The following GCNT1 variants were observed in gnomAD, a reference collection of about 807,000 sequenced individuals.
The protein encoded by GCNT1 is beta-1,3-galactosyl-O-glycosyl-glycoprotein beta-1,6-N-acetylglucosaminyltransferase.
Under a neutral mutation model 26.2 loss-of-function variants are expected in GCNT1, and 16 were observed. The ratio of observed to expected loss-of-function variants is 0.61; its 90% CI spans 0.41 to 0.93. GCNT1 has a LOEUF of 0.93. Ranked by LOEUF, GCNT1 falls within the 40% of genes least tolerant of loss-of-function variation. The probability of loss-of-function intolerance (pLI) is 0.00; values close to 1 mark genes in which losing one functional copy is unlikely to be tolerated. For synonymous variants in GCNT1, 183 were observed against 190.8 expected (o/e 0.96, Z 0.34); for missense variants, 477 against 526.7 (o/e 0.91, Z 0.92).
intron 1 of GCNT1, among the ~76,000 whole-genome samples, chr9:76,434,020 C>T (rs1473514288): frequency 6.6e-6 from 1 of 152,154 alleles, no homozygotes; most frequent in Non-Finnish European, 1.5e-5. Flanking sequence ...TAATCTATAA[C>T]CTAAGAAGTA....
chr9:76,398,911 T>C, the GCNT1 span: 4 of 1,546,952 alleles, frequency 2.6e-6, no homozygotes, highest in Non-Finnish European at 3.5e-6. Flanking sequence ...TTGAAAACCC[T>C]GCTGATGTCA....
intron 2 of GCNT1, among the ~76,000 whole-genome samples, chr9:76,467,056 T>C (rs1315196257): frequency 2.0e-5 from 3 of 151,990 alleles, no homozygotes; most frequent in Non-Finnish European, 2.9e-5. Flanking sequence ...TTTTTTTTTT[T>C]CTTTGAGATG....
At chr9:76,447,151 C>CA (rs532132124) in intron 1 of GCNT1, among the ~76,000 whole-genome samples, 477 of 35,986 alleles carry the variant, frequency 0.013, 78 homozygotes, top group Admixed American at 0.051. Context: ...AACCCTGTGT[C>CA]AAAAAAAAAA....
At chr9:76,487,382 G>C (rs1824608420) in intron 2 of GCNT1, among the ~76,000 whole-genome samples, 1 of 152,192 alleles carries the variant, frequency 6.6e-6, no homozygotes, top group Admixed American at 6.5e-5. Context: ...TCCTTGGAGA[G>C]TCAGTGAAAT....
chr9:76,395,120 C>T, the GCNT1 span, among the ~76,000 whole-genome samples: 4 of 152,190 alleles, frequency 2.6e-5, no homozygotes, highest in Admixed American at 6.5e-5. Context: ...ACAGGCCGTC[C>T]CTCTACTGCA....
chr9:76,478,924 T>C (rs887466951), intron 2 of GCNT1, among the ~76,000 whole-genome samples: 2 of 152,226 alleles, frequency 1.3e-5, no homozygotes, highest in Non-Finnish European at 2.9e-5. Flanking sequence ...TTGTTACATA[T>C]GTATACATGT....
chr9:76,490,953 C>T (rs183378172), intron 2 of GCNT1, among the ~76,000 whole-genome samples: 23 of 152,366 alleles, frequency 1.5e-4, no homozygotes, highest in African/African-American at 3.1e-4. Flanking sequence ...TTTTGGGCTA[C>T]GCCCTTGTTT....
chr9:76,458,599 T>G (rs569783895), upstream of GCNT1, among the ~76,000 whole-genome samples: 17 of 152,304 alleles, frequency 1.1e-4, no homozygotes, highest in African/African-American at 3.4e-4. Flanking sequence ...GAGAACTGTG[T>G]CAACTTTTAT....
the GCNT1 span, chr9:76,398,680 T>C: frequency 8.8e-7 from 1 of 1,139,174 alleles, no homozygotes; most frequent in South Asian, 1.3e-5. Flanking sequence ...CCGTCGTAAC[T>C]TAAAGGGAAA....
At chr9:76,440,402 A>G (rs1035444106), upstream of GCNT1, among the ~76,000 whole-genome samples, 1 of 152,238 alleles carries the variant, frequency 6.6e-6, no homozygotes, top group East Asian at 1.9e-4. Flanking sequence ...TGATGAATGA[A>G]GGTGACATCA....
chr9:76,461,752 G>T (rs919542859), intron 2 of GCNT1, among the ~76,000 whole-genome samples: 2 of 151,832 alleles, frequency 1.3e-5, no homozygotes, highest in Non-Finnish European at 2.9e-5. Context: ...AGCCAGGTGT[G>T]GTGGTGGGCA....
At chr9:76,424,881 T>C (rs1823239901) in intron 1 of GCNT1, among the ~76,000 whole-genome samples, 1 of 152,176 alleles carries the variant, frequency 6.6e-6, no homozygotes, top group Non-Finnish European at 1.5e-5. Flanking sequence ...GGCTCACGCC[T>C]GTAATCCCAG....
At chr9:76,438,740 GGAA>G (rs201206493), upstream of GCNT1, among the ~76,000 whole-genome samples, 17,226 of 151,532 alleles carry the variant, frequency 0.11, 1,079 homozygotes, top group Middle Eastern at 0.23. Context: ...GGGCCACATT[GGAA>G]GAAGAATTGT....
rs1370914858 is a variant in GCNT1 at position 76,502,639 on chromosome 9, T to C, written c.258T>C (p.Pro86=). The change falls in exon 4 of 4, where the codon CCT becomes CCC. Residue 86 remains proline (P), a synonymous_variant. Coordinates refer to ENST00000376730, the MANE Select transcript of GCNT1 (RefSeq NM_001490.5). ...EILTVKFKKR[P]RWTPDDYINM... ...TAACAGTGAAATTTAAAAAGCGCCC[T>C]CGGTGGACACCTGACGACTATATAA... 1.2e-6 allele frequency: 2 copies of C among 1,613,926 alleles called. No individual in the cohort carries two copies. Among genetic ancestry groups the C allele is most frequent in the Non-Finnish European group, 1.7e-6 (2 of 1,179,988 alleles).
chr9:76,482,646 TC>T (rs1824453196), intron 2 of GCNT1, among the ~76,000 whole-genome samples: 1 of 151,336 alleles, frequency 6.6e-6, no homozygotes, highest in African/African-American at 2.4e-5. Context: ...ACTGGTAAAA[TC>T]TTTTTTTATC....
the GCNT1 span, among the ~76,000 whole-genome samples, chr9:76,409,353 T>G: frequency 4.6e-5 from 7 of 152,338 alleles, no homozygotes; most frequent in Admixed American, 4.6e-4. Flanking sequence ...TTGGTTAGCC[T>G]GGCTAGAGGC....
intron 2 of GCNT1, among the ~76,000 whole-genome samples, chr9:76,490,141 C>T (rs1418868574): frequency 6.6e-6 from 1 of 152,176 alleles, no homozygotes; most frequent in Non-Finnish European, 1.5e-5. Context: ...TTTCAGAAGC[C>T]TTTTCCTCTA....
chr9:76,393,890 C>T, the GCNT1 span: 1 of 561,190 alleles, frequency 1.8e-6, no homozygotes, highest in Non-Finnish European at 3.1e-6. Flanking sequence ...CCCCGCGGAG[C>T]TCGGAGCCAG....
chr9:76,502,343 A>G lies in GCNT1; in HGVS notation c.-39A>G. ...ATCATTGGTGCTTGGAGCATAGAAG[A>G]CTGCCCTTCACAAAGGAAATCCCTG... On this transcript the variant is annotated 5_prime_UTR_variant, in exon 4 of 4. Transcript: ENST00000376730. 1.4e-6 allele frequency: 2 copies of G among 1,414,188 alleles called. No homozygotes were observed. Among genetic ancestry groups the G allele is most frequent in the Non-Finnish European group, 2.0e-6 (2 of 1,010,078 alleles). The allele number at this position is 1,414,188 out of a possible 1,614,324, so 87.6% of individuals were successfully genotyped here.
Sources: allele counts gnomAD v4.1 joint callset (sites outside exome capture counted in the v4.1 genomes callset), GRCh38; gene constraint gnomAD v4.1.1; transcripts MANE v1.5; gene names NCBI Gene and HGNC (gene_info 2026-07-23, HGNC 2026-07-21).